NOSTRIN: variants seen among roughly 807,000 people sequenced by gnomAD.
The protein encoded by NOSTRIN is nitric oxide synthase trafficking, also known as BM247 homolog.
In NOSTRIN, 63 loss-of-function variants were observed where a neutral mutation model predicts 59.0. The ratio of observed to expected loss-of-function variants is 1.07; its 90% CI spans 0.87 to 1.32. The LOEUF is 1.32. Ranked by LOEUF, NOSTRIN falls within the 40% of genes most tolerant of loss-of-function variation. The pLI is 0.00. For synonymous variants in NOSTRIN, 200 were observed against 165.4 expected (o/e 1.21, Z -1.61); for missense variants, 512 against 473.1 (o/e 1.08, Z -0.76).
At position 168,830,466 on chromosome 2, in the gene NOSTRIN, T is replaced by C. The variant is rs931650915; in HGVS notation, c.343-1006T>C. Among the ~76,000 whole-genome samples the C allele has an allele frequency of 4.0e-4, 61 of 152,240 alleles. 1 individual carries two copies. Among genetic ancestry groups the C allele is most frequent in the African/African-American group, 1.4e-3 (57 of 41,456 alleles). On this transcript the variant is annotated intron_variant, in intron 5 of 15. Transcript: ENST00000317647. Reference sequence around the variant, plus strand: ...CATAGTACATGAAATATTTTCATTATGTCTGTTACAATGAACCATATACTC... The same window carrying C: ...CATAGTACATGAAATATTTTCATTACGTCTGTTACAATGAACCATATACTC...
chr2:168,802,535 G>C, upstream of NOSTRIN: 1 of 772,768 alleles, frequency 1.3e-6, no homozygotes, highest in Admixed American at 2.0e-5. Context: ...GACAAGGACT[G>C]ACGTACTCTA....
At chr2:168,818,254 C>T (rs830024) in intron 2 of NOSTRIN, 3 of 429,322 alleles carry the variant, frequency 7.0e-6, no homozygotes, top group Admixed American at 2.4e-5. Context: ...CCTGTGCTCG[C>T]GAACTCCTCT....
At chr2:168,818,348 G>T in intron 2 of NOSTRIN, 1 of 255,020 alleles carries the variant, frequency 3.9e-6, no homozygotes. Context: ...GTAGAAATGG[G>T]ATCTTGATAT....
At chr2:168,830,522 T>C (rs1424303618) in intron 5 of NOSTRIN, among the ~76,000 whole-genome samples, 1 of 152,204 alleles carries the variant, frequency 6.6e-6, no homozygotes, top group Non-Finnish European at 1.5e-5. Context: ...AAAATGAAAG[T>C]GTAGCATTCG....
intron 1 of NOSTRIN, 79 bp downstream of exon 1, chr2:168,802,752 T>C: frequency 1.2e-6 from 1 of 831,654 alleles, no homozygotes; most frequent in South Asian, 1.4e-5. Flanking sequence ...GATTTTAACT[T>C]AAGAAATTTG....
intron 5 of NOSTRIN, among the ~76,000 whole-genome samples, chr2:168,830,320 G>T (rs560438450): frequency 1.3e-5 from 2 of 151,980 alleles, no homozygotes; most frequent in South Asian, 4.2e-4. Context: ...TTTCTGCATT[G>T]CCCCTCTCCA....
intron 2 of NOSTRIN, chr2:168,812,087 G>A (rs942105261): frequency 1.3e-5 from 2 of 152,900 alleles, no homozygotes; most frequent in African/African-American, 2.4e-5. Flanking sequence ...ACTGTCAGGT[G>A]GATGAATGAA....
chr2:168,847,086 C>T (rs984841813), intron 8 of NOSTRIN, among the ~76,000 whole-genome samples: 11 of 152,212 alleles, frequency 7.2e-5, no homozygotes, highest in African/African-American at 2.7e-4. Context: ...AATAAACACG[C>T]CTGCACCATG....
In NOSTRIN at chr2:168,864,856, G is replaced by C; in HGVS notation, c.1407G>C (p.Glu469Asp). The C allele has an allele frequency of 6.2e-7, 1 of 1,613,856 alleles. No homozygotes were observed. The highest frequency in any genetic ancestry group is 1.3e-5 in the African/African-American group (1 of 74,994). ...CAGGTGACATTGTGATTATACACGA[G>C]AAAAAAGAAGGAGGATGGTGGTTTG... ...LEKGDIVIIH[E>D]KKEGGWWFGS... The change falls in exon 16 of 16, where the codon GAG becomes GAC. Residue 469 changes from glutamate (E) to aspartate (D), a missense_variant. By Grantham distance (45) the Glu-to-Asp change is conservative (BLOSUM62 2). Transcript: ENST00000317647.
intron 1 of NOSTRIN, among the ~76,000 whole-genome samples, chr2:168,805,009 A>C (rs1685776232): frequency 6.6e-6 from 1 of 152,230 alleles, no homozygotes; most frequent in Non-Finnish European, 1.5e-5. Flanking sequence ...TTAATAAAAA[A>C]GCACATAATA....
In NOSTRIN at chr2:168,828,140, A is replaced by G. The variant is rs975337497; in HGVS notation, c.198-18A>G. On this transcript the variant is annotated intron_variant, in intron 3 of 15. Coordinates refer to ENST00000317647, the MANE Select transcript of NOSTRIN (RefSeq NM_001039724.4). Reference sequence around the variant, plus strand: ...AAAATGACACTCACCTTTGTTCCCCACTTTTTTTTGCCTTTAGTTGTGTTA... The same window carrying G: ...AAAATGACACTCACCTTTGTTCCCCGCTTTTTTTTGCCTTTAGTTGTGTTA... The G allele has an allele frequency of 1.8e-5, 16 of 872,664 alleles. No homozygotes were observed. The highest frequency in any genetic ancestry group is 2.8e-5 in the Non-Finnish European group (14 of 501,616). 54.1% of individuals were successfully genotyped at this position (872,664 alleles called of 1,614,324 possible).
rs548943275 is a variant in NOSTRIN, at chr2:168,818,210, G to A, written c.114-6424G>A. 4.0e-5 allele frequency: 17 copies of A among 421,104 alleles called. No individual in the cohort carries two copies. The East Asian group carries it at 8.4e-4, about 21-fold the overall frequency. The allele number at this position is 421,104 out of a possible 1,614,324, so 26.1% of individuals were successfully genotyped here. On this transcript the variant is annotated intron_variant, in intron 2 of 15. Transcript: ENST00000317647. ...ATTCTGCTGCTCAGGCTGGAGTGCA[G>A]TGGTGCAATTATAGCTTGCTGCAGC...
chr2:168,839,433 G>A (rs1170580739), intron 7 of NOSTRIN, among the ~76,000 whole-genome samples: 2 of 152,148 alleles, frequency 1.3e-5, no homozygotes, highest in Admixed American at 6.5e-5. Context: ...CCTGACTAGA[G>A]AGGGAGCCTG....
At chr2:168,856,315 G>A (rs919600165) in intron 11 of NOSTRIN, 5 of 248,272 alleles carry the variant, frequency 2.0e-5, no homozygotes, top group Admixed American at 5.1e-5. Context: ...TGTGGCTCAC[G>A]CCTATAATCC....
chr2:168,798,225 A>G (rs554025594), upstream of NOSTRIN: 5 of 152,338 alleles, frequency 3.3e-5, no homozygotes, highest in East Asian at 3.9e-4. Context: ...GACACGTGGT[A>G]TGTCCTTTAA....
chr2:168,843,178 G>A, intron 8 of NOSTRIN, 61 bp downstream of exon 8: 1 of 827,080 alleles, frequency 1.2e-6, no homozygotes, highest in Non-Finnish European at 2.1e-6. Flanking sequence ...CTTGAAGATG[G>A]AGGTCAGATT....
At chr2:168,829,450 A>C (rs542342369) in intron 5 of NOSTRIN, among the ~76,000 whole-genome samples, 4 of 152,108 alleles carry the variant, frequency 2.6e-5, no homozygotes, top group African/African-American at 9.6e-5. Flanking sequence ...CCTCTCGAGT[A>C]GCTGACATTA....
chr2:168,856,547 C>A (rs963961600), intron 11 of NOSTRIN, 143 bp from the exon 12 acceptor site: 61 of 664,306 alleles, frequency 9.2e-5, no homozygotes, highest in Non-Finnish European at 1.5e-4. Context: ...TGCACTCCAG[C>A]CTGGGTGACA....
chr2:168,847,271 T>C (rs1688488990), intron 8 of NOSTRIN, among the ~76,000 whole-genome samples: 2 of 152,202 alleles, frequency 1.3e-5, no homozygotes, highest in Admixed American at 6.5e-5. Context: ...AATATGTTAA[T>C]AGCAGTCACT....
Sources: allele counts gnomAD v4.1 joint callset (sites outside exome capture counted in the v4.1 genomes callset), GRCh38; gene constraint gnomAD v4.1.1; transcripts MANE v1.5; gene names NCBI Gene and HGNC (gene_info 2026-07-23, HGNC 2026-07-21).